SLC25A24: variants seen among roughly 807,000 people sequenced by gnomAD.
The protein encoded by SLC25A24 is mitochondrial adenyl nucleotide antiporter SLC25A24.
In SLC25A24, 49 loss-of-function variants were observed where a neutral mutation model predicts 60.7. The observed-to-expected ratio is 0.81, with a 90% confidence interval of 0.64 to 1.02. SLC25A24 has a LOEUF of 1.02. SLC25A24 is among the 50% of genes least tolerant of loss of function. The probability of loss-of-function intolerance (pLI) is 0.00; values close to 1 mark genes in which losing one functional copy is unlikely to be tolerated. For synonymous variants in SLC25A24, 202 were observed against 200.6 expected, an observed-to-expected ratio of 1.01 and a Z score of -0.06; for missense variants, 564 against 586.3, an observed-to-expected ratio of 0.96 and a Z score of 0.39.
rs565779712 is a variant in SLC25A24 at position 108,134,779 on chromosome 1, T to C, written c.*1874A>G. 3.9e-5 allele frequency: 6 copies of C among 151,932 alleles called. No individual in the cohort carries two copies. Among genetic ancestry groups the C allele is most frequent in the African/African-American group, 1.2e-4 (5 of 41,454 alleles). The allele number at this position is 151,932 out of a possible 1,614,324, so 9.4% of individuals were successfully genotyped here. On this transcript the variant is annotated 3_prime_UTR_variant, in exon 10 of 10. Transcript: ENST00000565488. Reference sequence around the variant, plus strand: ...TTTTTTTCAATTAGGAAACTGAGACTTAAGAATTTTCTCTAAAAAAAATAA... The same window carrying C: ...TTTTTTTCAATTAGGAAACTGAGACCTAAGAATTTTCTCTAAAAAAAATAA...
chr1:108,170,561 C>T (rs1647427638), intron 3 of SLC25A24, among the ~76,000 whole-genome samples: 2 of 152,162 alleles, frequency 1.3e-5, no homozygotes, highest in South Asian at 4.1e-4. Flanking sequence ...GTGTTAAAAT[C>T]TCTCACCACT....
chr1:108,161,402 T>G lies in SLC25A24; in HGVS notation c.399-109A>C. 6.0e-6 allele frequency: 4 copies of G among 663,498 alleles called. No homozygotes were observed. The South Asian group carries it at 7.3e-5, about 12-fold the overall frequency. The allele number at this position is 663,498 out of a possible 1,614,324, so 41.1% of individuals were successfully genotyped here. ...TTTCTTTTCTAACATAATATTCTCATTAAATTAAAAAACCCCATCCACAAA... is the reference window on the plus strand; with the variant it reads ...TTTCTTTTCTAACATAATATTCTCAGTAAATTAAAAAACCCCATCCACAAA... On this transcript the variant is annotated intron_variant, in intron 3 of 9. Coordinates refer to ENST00000565488, the MANE Select transcript of SLC25A24 (RefSeq NM_013386.5).
chr1:108,165,732 C>T (rs1176448969), intron 3 of SLC25A24, among the ~76,000 whole-genome samples: 1 of 152,150 alleles, frequency 6.6e-6, no homozygotes. Flanking sequence ...ACTGATGGGT[C>T]TTGACTCTGT....
chr1:108,163,156 C>A (rs1680138295), intron 3 of SLC25A24, among the ~76,000 whole-genome samples: 1 of 111,786 alleles, frequency 8.9e-6, no homozygotes. Context: ...TGGTCTATAT[C>A]TCTGTTTTGG....
chr1:108,189,277 C>A (rs1648258151), intron 1 of SLC25A24, among the ~76,000 whole-genome samples: 1 of 152,180 alleles, frequency 6.6e-6, no homozygotes, highest in African/African-American at 2.4e-5. Context: ...TCCACAGTTT[C>A]ACTCTCTACA....
At chr1:108,157,697 T>G (rs887869192) in intron 4 of SLC25A24, 77 bp from the exon 5 acceptor site, 4 of 1,479,814 alleles carry the variant, frequency 2.7e-6, no homozygotes, top group Non-Finnish European at 3.7e-6. Flanking sequence ...TAGAGAAGAA[T>G]CATGTTATTT....
At chr1:108,159,010 CAAAACAAAAACA>C (rs567870330) in intron 4 of SLC25A24, among the ~76,000 whole-genome samples, 23 of 152,012 alleles carry the variant, frequency 1.5e-4, no homozygotes, top group South Asian at 2.1e-4. Context: ...CTCAAAAAAA[CAAAACAAAAACA>C]AAAACAAAAA....
chr1:108,146,339 T>C (rs548263065), intron 7 of SLC25A24, among the ~76,000 whole-genome samples: 1 of 152,344 alleles, frequency 6.6e-6, no homozygotes, highest in Admixed American at 6.5e-5. Flanking sequence ...GTTTTCTAAA[T>C]ATACAATCAT....
rs1362450683 is a variant in SLC25A24, at chr1:108,198,992, T to G, written c.183+964A>C. ...ATTGAAGGGGAGAAAAGGATAGATA[T>G]GAGGAATGAAATAGAGAACCTACCT... On this transcript the variant is annotated intron_variant, in intron 1 of 9. Coordinates refer to ENST00000565488, the MANE Select transcript of SLC25A24 (RefSeq NM_013386.5). 4 of 152,156 alleles carry G rather than the reference T, an allele frequency of 2.6e-5. No individual in the cohort carries two copies. In the East Asian group the frequency reaches 7.7e-4, roughly 29 times the overall value. The allele number at this position is 152,156 out of a possible 1,614,324, so 9.4% of individuals were successfully genotyped here.
At chr1:108,154,320 T>A (rs1679830926) in intron 6 of SLC25A24, among the ~76,000 whole-genome samples, 1 of 152,200 alleles carries the variant, frequency 6.6e-6, no homozygotes, top group Non-Finnish European at 1.5e-5. Context: ...TAGACAGTTC[T>A]GCTAATGACC....
In SLC25A24 at chr1:108,180,050, T is replaced by C. The variant is rs115496898; in HGVS notation, c.398+1891A>G. Among the ~76,000 whole-genome samples the C allele has an allele frequency of 6.5e-3, 987 of 152,258 alleles. 9 individuals carry two copies. Among genetic ancestry groups the C allele is most frequent in the African/African-American group, 0.023 (944 of 41,536 alleles). On this transcript the variant is annotated intron_variant, in intron 3 of 9. Transcript: ENST00000565488. The stretch of plus-strand genomic sequence containing the variant: ...TGTATACTTTAGAAAAGTGAATTTA[T>C]GGCATGTGAATTACATCTCAGTAAA...
In SLC25A24 at chr1:108,143,727, A is replaced by C. The variant is rs572738103; in HGVS notation, c.931-17T>G. The C allele has an allele frequency of 2.1e-5, 33 of 1,592,804 alleles. No homozygotes were observed. The African/African-American group carries it at 3.5e-4, about 17-fold the overall frequency. ...TTTCATAACCTGGATATAAAAAAAA[A>C]CAAAATATGATTGTTCATATTAACT... is the stretch of plus-strand genomic sequence containing the variant. On this transcript the variant is annotated splice_polypyrimidine_tract_variant and intron_variant, in intron 7 of 9. Coordinates refer to ENST00000565488, the MANE Select transcript of SLC25A24 (RefSeq NM_013386.5).
intron 8 of SLC25A24, among the ~76,000 whole-genome samples, chr1:108,139,978 A>G (rs369747539): frequency 1.3e-5 from 2 of 152,062 alleles, no homozygotes; most frequent in Admixed American, 1.3e-4. Context: ...TATCCCTGTT[A>G]CTCTAGGTCC....
intron 1 of SLC25A24, 34 bp downstream of exon 1, chr1:108,199,922 C>T: frequency 6.4e-7 from 1 of 1,557,214 alleles, no homozygotes; most frequent in East Asian, 2.3e-5. Context: ...CGCAGCCCTC[C>T]CTACGCTCAG....
chr1:108,182,059 A>C (rs757878648), intron 2 of SLC25A24, 31 bp from the exon 3 acceptor site: 1 of 1,327,012 alleles, frequency 7.5e-7, no homozygotes, highest in Non-Finnish European at 1.1e-6. Flanking sequence ...CAAAAAATAA[A>C]ACTCAGAACT....
At chr1:108,172,297 T>C (rs1021108873) in intron 3 of SLC25A24, among the ~76,000 whole-genome samples, 3 of 152,170 alleles carry the variant, frequency 2.0e-5, no homozygotes, top group Admixed American at 1.3e-4. Context: ...GTCACAGCTG[T>C]TTCAATCAAC....
At chr1:108,144,244 T>C (rs777186697) in intron 7 of SLC25A24, among the ~76,000 whole-genome samples, 20 of 152,220 alleles carry the variant, frequency 1.3e-4, no homozygotes, top group Non-Finnish European at 2.2e-4. Context: ...TTTATCTTGC[T>C]TAAGTCATCA....
chr1:108,165,606 G>C (rs1008499056), intron 3 of SLC25A24, among the ~76,000 whole-genome samples: 4 of 152,030 alleles, frequency 2.6e-5, no homozygotes, highest in African/African-American at 9.7e-5. Context: ...TCAGAGACTA[G>C]GATTGCAACC....
chr1:108,141,017 A>C (rs956494563), intron 8 of SLC25A24, among the ~76,000 whole-genome samples: 1 of 152,198 alleles, frequency 6.6e-6, no homozygotes, highest in Non-Finnish European at 1.5e-5. Flanking sequence ...AATAACACAT[A>C]CAGAATCAAC....
Sources: allele counts gnomAD v4.1 joint callset (sites outside exome capture counted in the v4.1 genomes callset), GRCh38; gene constraint gnomAD v4.1.1; transcripts MANE v1.5; gene names NCBI Gene and HGNC (gene_info 2026-07-23, HGNC 2026-07-21).